Variants in PPM1A observed in about 807,000 individuals in gnomAD.
The protein encoded by PPM1A is protein phosphatase 1A.
A neutral mutation model predicts 35.0 loss-of-function variants in PPM1A; 7 were observed. The observed-to-expected ratio is 0.20, with a 90% CI of 0.11 to 0.38. The LOEUF (loss-of-function observed/expected upper bound fraction) is 0.38, where lower values mean the gene tolerates loss of function less well. Ranked by LOEUF, PPM1A falls within the 10% of genes least tolerant of loss-of-function variation. PPM1A has a pLI of 1.00. For synonymous variants in PPM1A, 153 were observed against 167.3 expected (o/e 0.91, Z 0.66); for missense variants, 239 against 467.8 (o/e 0.51, Z 4.51).
At chr14:60,248,931 C>T (rs898785392), upstream of PPM1A, among the ~76,000 whole-genome samples, 4 of 152,214 alleles carry the variant, frequency 2.6e-5, no homozygotes, top group Admixed American at 6.5e-5. Flanking sequence ...TGGCTGCTAT[C>T]CGGGATCCGG....
Position 60,291,454 on chromosome 14 carries a change from T to C in PPM1A, c.1119T>C (p.Thr373=). The C allele has an allele frequency of 6.4e-7, 1 of 1,574,782 alleles. No individual in the cohort carries two copies. The part of the protein sequence containing the change: ...NRLNPYKNDD[T]DSTSTDDMW Reference sequence around the variant, plus strand: ...TGAATCCTTACAAAAATGACGACACTGTAAGTAGCATTTTAGCTCCCTCTG... The same window carrying C: ...TGAATCCTTACAAAAATGACGACACCGTAAGTAGCATTTTAGCTCCCTCTG... The change falls in exon 5 of 6, where the codon ACT becomes ACC. Residue 373 remains threonine (T), a splice_region_variant and synonymous_variant. Transcript: ENST00000395076.
chr14:60,256,658 A>G (rs1245944944), intron 1 of PPM1A: 1 of 152,184 alleles, frequency 6.6e-6, no homozygotes, highest in African/African-American at 2.4e-5. Context: ...GACTATTACA[A>G]TAGATTTTCA....
At chr14:60,261,936 T>C (rs1472647816) in intron 1 of PPM1A, among the ~76,000 whole-genome samples, 2 of 152,226 alleles carry the variant, frequency 1.3e-5, no homozygotes, top group African/African-American at 4.8e-5. Flanking sequence ...ATACACACTG[T>C]TAGACTGTTG....
intron 1 of PPM1A, among the ~76,000 whole-genome samples, chr14:60,258,558 T>C (rs992050628): frequency 6.6e-6 from 1 of 152,134 alleles, no homozygotes; most frequent in African/African-American, 2.4e-5. Flanking sequence ...TGAACAGTAA[T>C]CTGAAAATCA....
Position 60,289,772 on chromosome 14 carries a change from T to A in PPM1A, c.953-34T>A, listed in dbSNP as rs1242701327. On this transcript the variant is annotated intron_variant, in intron 3 of 5. Coordinates refer to ENST00000395076, the MANE Select transcript of PPM1A (RefSeq NM_021003.5). This position sits in a 1 kb window ranked among gnomAD's most constrained non-coding sequence, Gnocchi z 4.1. Reference sequence around the variant, plus strand: ...GGTTTTCTTTTCAATTAAATTTGGATAACACTTACAAAAAAAGTACTTCTG... The same window carrying A: ...GGTTTTCTTTTCAATTAAATTTGGAAAACACTTACAAAAAAAGTACTTCTG... 2.1e-6 allele frequency: 3 copies of A among 1,401,590 alleles called. No individual in the cohort carries two copies. Among genetic ancestry groups the A allele is most frequent in the Non-Finnish European group, 2.0e-6 (2 of 996,486 alleles). The allele number at this position is 1,401,590 out of a possible 1,614,324, so 86.8% of individuals were successfully genotyped here.
chr14:60,282,194 A>G lies in PPM1A; in HGVS notation c.-20-490A>G, dbSNP rs981286307. Among the ~76,000 whole-genome samples, 2 of 152,170 alleles carry G rather than the reference A, an allele frequency of 1.3e-5. No homozygotes were observed. The highest frequency in any genetic ancestry group is 2.9e-5 in the Non-Finnish European group (2 of 68,024). ...GAGCATTGTGAGTAGATTATTTTTT[A>G]GTTTTTCAGAGTTCATGCAGTGGGA... On this transcript the variant is annotated intron_variant, in intron 1 of 5. Coordinates refer to ENST00000395076, the MANE Select transcript of PPM1A (RefSeq NM_021003.5). This position sits in a 1 kb window ranked among gnomAD's most constrained non-coding sequence, Gnocchi z 5.1.
intron 1 of PPM1A, among the ~76,000 whole-genome samples, chr14:60,268,627 A>T (rs74777584): frequency 0.021 from 3,061 of 145,242 alleles, 110 homozygotes; most frequent in African/African-American, 0.073. Context: ...TAGTATACTG[A>T]TTTTCTTTAG....
At chr14:60,263,693 A>G (rs1235932814) in intron 1 of PPM1A, among the ~76,000 whole-genome samples, 6 of 152,052 alleles carry the variant, frequency 3.9e-5, no homozygotes, top group African/African-American at 1.4e-4. Flanking sequence ...TATTTCTGAA[A>G]GTAATATTTC....
At chr14:60,265,892 T>C (rs1884316749) in intron 1 of PPM1A, among the ~76,000 whole-genome samples, 1 of 152,246 alleles carries the variant, frequency 6.6e-6, no homozygotes. Flanking sequence ...ATGGACTCAC[T>C]GGTTATTACT....
rs1888069126 is a variant in PPM1A, at chr14:60,296,441, A to G, written c.*3959A>G. 1.2e-5 allele frequency: 3 copies of G among 243,838 alleles called. No individual in the cohort carries two copies. Among genetic ancestry groups the G allele is most frequent in the Non-Finnish European group, 2.3e-5 (3 of 129,162 alleles). 15.1% of individuals were successfully genotyped at this position (243,838 alleles called of 1,614,324 possible). On this transcript the variant is annotated 3_prime_UTR_variant, in exon 6 of 6. Coordinates refer to ENST00000395076, the MANE Select transcript of PPM1A (RefSeq NM_021003.5). The surrounding 1 kb of genome is among the most constrained non-coding windows in gnomAD (Gnocchi z 4.4). Reference sequence around the variant, plus strand: ...AGAAAAGATGTGTAAATATCTTAGTATATAATTGTTTCTCATTTGAGGTTT... The same window carrying G: ...AGAAAAGATGTGTAAATATCTTAGTGTATAATTGTTTCTCATTTGAGGTTT...
chr14:60,298,713 A>G lies in PPM1A; in HGVS notation c.*6231A>G, dbSNP rs943410028. On this transcript the variant is annotated 3_prime_UTR_variant, in exon 6 of 6. Transcript: ENST00000395076. ...ATGTTATGAGTGGAGAGACATGTAC[A>G]TGTTAAAAGCATGTTGCATTATATA... The G allele has an allele frequency of 6.6e-6, 1 of 151,830 alleles. No individual in the cohort carries two copies. Among genetic ancestry groups the G allele is most frequent in the African/African-American group, 2.4e-5 (1 of 41,424 alleles). 9.4% of individuals were successfully genotyped at this position (151,830 alleles called of 1,614,324 possible).
chr14:60,254,386 C>T (rs1378618370), intron 1 of PPM1A, among the ~76,000 whole-genome samples: 3 of 152,008 alleles, frequency 2.0e-5, no homozygotes, highest in East Asian at 1.9e-4. Context: ...GGTTAAATTG[C>T]GGATAAAGAG....
At chr14:60,290,886 T>C (rs897725246) in intron 4 of PPM1A, among the ~76,000 whole-genome samples, 1 of 152,170 alleles carries the variant, frequency 6.6e-6, no homozygotes, top group Non-Finnish European at 1.5e-5. Flanking sequence ...AGATTTTTAA[T>C]AAAGTGTTAC....
chr14:60,254,336 A>G (rs1400593106), intron 1 of PPM1A, among the ~76,000 whole-genome samples: 1 of 152,200 alleles, frequency 6.6e-6, no homozygotes, highest in Non-Finnish European at 1.5e-5. Flanking sequence ...AGCTGGCAAG[A>G]TGTCAAGGGT....
rs1258538179 is a variant in PPM1A, at chr14:60,294,848, G to A, written c.*2366G>A. 6.6e-6 allele frequency: 1 copy of A among 151,754 alleles called. No individual in the cohort carries two copies. Among genetic ancestry groups the A allele is most frequent in the Non-Finnish European group, 1.5e-5 (1 of 67,808 alleles). 9.4% of individuals were successfully genotyped at this position (151,754 alleles called of 1,614,324 possible). On this transcript the variant is annotated 3_prime_UTR_variant, in exon 6 of 6. Transcript: ENST00000395076. ...AGAAGACTAAATCTTTTCCACATGA[G>A]TCAGCACTGCCATACTAATAATTTT...
At chr14:60,281,671 T>G (rs1886422788) in intron 1 of PPM1A, among the ~76,000 whole-genome samples, 1 of 152,242 alleles carries the variant, frequency 6.6e-6, no homozygotes, top group African/African-American at 2.4e-5. Context: ...TTCTAAGCTA[T>G]TGTTCAAGTA....
At chr14:60,257,900 C>G (rs1883320275) in intron 1 of PPM1A, among the ~76,000 whole-genome samples, 1 of 152,138 alleles carries the variant, frequency 6.6e-6, no homozygotes. Context: ...CATCATACCT[C>G]AGAATGTTAA....
rs933069216 is a variant in PPM1A, at chr14:60,285,473, CACGCATGCGTGCACATATGT to C, written c.835-149_835-130del. 15 of 706,640 alleles carry C rather than the reference CACGCATGCGTGCACATATGT, an allele frequency of 2.1e-5. No individual in the cohort carries two copies. In the African/African-American group the frequency reaches 5.1e-4, roughly 24 times the overall value. 43.8% of individuals were successfully genotyped at this position (706,640 alleles called of 1,614,324 possible). Reference sequence around the variant, plus strand: ...GGGGGAGTCATTGCACACACACACGCACGCATGCGTGCACATATGTATTTTTTTCTCCCTGAAAGTAACAT... The same window carrying C: ...GGGGGAGTCATTGCACACACACACGCATTTTTTTCTCCCTGAAAGTAACAT... On this transcript the variant is annotated intron_variant, in intron 2 of 5. Transcript: ENST00000395076.
At chr14:60,279,937 A>G (rs759868327) in intron 1 of PPM1A, among the ~76,000 whole-genome samples, 13 of 152,166 alleles carry the variant, frequency 8.5e-5, no homozygotes, top group Non-Finnish European at 1.5e-4. Flanking sequence ...TAGACACTAT[A>G]CTTTGTGCAC....
Sources: gnomAD v4.1 joint callset for allele counts (sites outside exome capture counted in the v4.1 genomes callset) on GRCh38, gnomAD v4.1.1 for gene constraint, Gnocchi (gnomAD v3.1) non-coding constraint, MANE v1.5 for transcripts, NCBI Gene and HGNC (gene_info 2026-07-23, HGNC 2026-07-21) for gene names.